ZNF385B: variants seen among roughly 807,000 people sequenced by gnomAD.
The protein encoded by ZNF385B is zinc finger protein 533.
ZNF385B carries 23 observed loss-of-function variants against 39.2 expected under a neutral mutation model. The observed-to-expected ratio is 0.59, with a 90% CI of 0.42 to 0.83. ZNF385B has a LOEUF of 0.83. Ranked by LOEUF, ZNF385B falls within the 40% of genes least tolerant of loss-of-function variation. The pLI, the probability that ZNF385B is intolerant of heterozygous loss-of-function variation, is 0.00. For missense variants in ZNF385B, 552 were observed against 598.9 expected, an observed-to-expected ratio of 0.92 and a Z score of 0.82; for synonymous variants, 205 against 222.6, an observed-to-expected ratio of 0.92 and a Z score of 0.70.
intron 3 of ZNF385B, among the ~76,000 whole-genome samples, chr2:179,674,153 CTATT>C (rs1265791365): frequency 2.0e-5 from 3 of 152,128 alleles, no homozygotes; most frequent in Non-Finnish European, 4.4e-5. Flanking sequence ...AAGTATTTAT[CTATT>C]TAACAAGATT....
chr2:179,640,658 A>T (rs1692185322), intron 3 of ZNF385B, among the ~76,000 whole-genome samples: 1 of 152,158 alleles, frequency 6.6e-6, no homozygotes, highest in African/African-American at 2.4e-5. Context: ...GATGATCAGC[A>T]AATTGCTAAG....
At chr2:179,493,661 G>GTATGTACA (rs2055633332) in intron 5 of ZNF385B, among the ~76,000 whole-genome samples, 1 of 116,102 alleles carries the variant, frequency 8.6e-6, no homozygotes, top group African/African-American at 3.1e-5. Flanking sequence ...ATACATATAT[G>GTATGTACA]TATATGCATA....
chr2:179,477,735 ATATT>A (rs1275446326), intron 6 of ZNF385B, among the ~76,000 whole-genome samples: 1 of 152,168 alleles, frequency 6.6e-6, no homozygotes, highest in African/African-American at 2.4e-5. Context: ...AACTTTGAGA[ATATT>A]TATCATTTGC....
intron 3 of ZNF385B, among the ~76,000 whole-genome samples, chr2:179,688,680 C>G (rs1306984447): frequency 6.6e-6 from 1 of 152,174 alleles, no homozygotes; most frequent in African/African-American, 2.4e-5. Context: ...TCACAGGACA[C>G]TTAATATCGA....
intron 3 of ZNF385B, among the ~76,000 whole-genome samples, chr2:179,623,881 C>T (rs1049113703): frequency 1.3e-5 from 2 of 152,118 alleles, no homozygotes; most frequent in East Asian, 1.9e-4. Context: ...AAATTATAGC[C>T]AAACATTTTC....
At chr2:179,485,861 C>T (rs376151219) in intron 5 of ZNF385B, among the ~76,000 whole-genome samples, 1 of 152,068 alleles carries the variant, frequency 6.6e-6, no homozygotes, top group South Asian at 2.1e-4. Context: ...AGCATATAAC[C>T]CAGGTCACCC....
chr2:179,617,500 C>T (rs1268080761), intron 3 of ZNF385B, among the ~76,000 whole-genome samples: 1 of 152,032 alleles, frequency 6.6e-6, no homozygotes, highest in Non-Finnish European at 1.5e-5. Flanking sequence ...TTCTGGAGTA[C>T]TTTTATATTG....
At chr2:179,747,770 G>A (rs7581371) in intron 3 of ZNF385B, among the ~76,000 whole-genome samples, 14,043 of 152,016 alleles carry the variant, frequency 0.092, 721 homozygotes, top group Non-Finnish European at 0.11. Context: ...AATACTCTAC[G>A]TATGCCAGGA....
Position 179,759,651 on chromosome 2 carries a change from A to T in ZNF385B, c.298+9852T>A, listed in dbSNP as rs76432555. ...AAACTCATCTTTGAGTACTCATCTC[A>T]AAGATCACCTCCTCTGAGAAGCCTT... On this transcript the variant is annotated intron_variant, in intron 3 of 9. Transcript: ENST00000410066. Among the ~76,000 whole-genome samples, 568 of 152,278 alleles carry T rather than the reference A, an allele frequency of 3.7e-3. 5 individuals carry two copies. Among genetic ancestry groups the T allele is most frequent in the African/African-American group, 0.013 (538 of 41,558 alleles).
At chr2:179,734,644 T>A (rs1701623022) in intron 3 of ZNF385B, among the ~76,000 whole-genome samples, 1 of 152,202 alleles carries the variant, frequency 6.6e-6, no homozygotes, top group Non-Finnish European at 1.5e-5. Flanking sequence ...ATGCCAGGTA[T>A]TATATTGAGA....
intron 5 of ZNF385B, among the ~76,000 whole-genome samples, chr2:179,485,625 G>C (rs2054486045): frequency 6.6e-6 from 1 of 152,158 alleles, no homozygotes; most frequent in Non-Finnish European, 1.5e-5. Context: ...AGATGATATA[G>C]TCACAAGTGT....
intron 3 of ZNF385B, among the ~76,000 whole-genome samples, chr2:179,724,089 A>T (rs1700856269): frequency 6.6e-6 from 1 of 152,150 alleles, no homozygotes; most frequent in Admixed American, 6.5e-5. Flanking sequence ...CAGGCAGATC[A>T]CTTGAGGTCA....
chr2:179,636,690 TCA>T (rs1691787559), intron 3 of ZNF385B, among the ~76,000 whole-genome samples: 1 of 152,140 alleles, frequency 6.6e-6, no homozygotes, highest in Admixed American at 6.5e-5. Flanking sequence ...AATCATCACC[TCA>T]CTGTTGAATC....
At chr2:179,447,506 G>A (rs757211271) in intron 6 of ZNF385B, among the ~76,000 whole-genome samples, 4 of 152,168 alleles carry the variant, frequency 2.6e-5, no homozygotes, top group Non-Finnish European at 4.4e-5. Flanking sequence ...AGGCCCATGT[G>A]CAGGCTATGA....
chr2:179,611,843 C>T (rs1372910709), intron 3 of ZNF385B, among the ~76,000 whole-genome samples: 1 of 151,990 alleles, frequency 6.6e-6, no homozygotes, highest in Non-Finnish European at 1.5e-5. Flanking sequence ...TCTAATGATC[C>T]CTTGAGTTTT....
chr2:179,720,772 T>G (rs2106405063), intron 3 of ZNF385B, among the ~76,000 whole-genome samples: 1 of 152,032 alleles, frequency 6.6e-6, no homozygotes, highest in South Asian at 2.1e-4. Context: ...AGTAGTTTTA[T>G]TATTATTATT....
At chr2:179,825,071 GT>G (rs1707605634) in intron 1 of ZNF385B, among the ~76,000 whole-genome samples, 1 of 152,158 alleles carries the variant, frequency 6.6e-6, no homozygotes, top group Non-Finnish European at 1.5e-5. Context: ...AGCCACAGCT[GT>G]TGTGCTTTAG....
chr2:179,459,705 G>A (rs71425629), intron 6 of ZNF385B, among the ~76,000 whole-genome samples: 22,478 of 150,650 alleles, frequency 0.15, 1,831 homozygotes, highest in African/African-American at 0.2. Flanking sequence ...AATAAAAAAT[G>A]TGCATTATAA....
At chr2:179,675,789 TA>T (rs1696675973) in intron 3 of ZNF385B, among the ~76,000 whole-genome samples, 1 of 45,658 alleles carries the variant, frequency 2.2e-5, no homozygotes, top group Non-Finnish European at 4.3e-5. Context: ...ATACTGACAG[TA>T]ATTTTTTTTT....
Sources: allele counts gnomAD v4.1 joint callset (sites outside exome capture counted in the v4.1 genomes callset), GRCh38; gene constraint gnomAD v4.1.1; transcripts MANE v1.5; gene names NCBI Gene and HGNC (gene_info 2026-07-23, HGNC 2026-07-21).